The following IQSEC2 variants were observed in gnomAD, a reference collection of about 807,000 sequenced individuals.
IQSEC2 encodes IQ motif and SEC7 domain-containing protein 2.
IQSEC2 carries 6 observed loss-of-function variants against 74.6 expected under a neutral mutation model. That is an observed-to-expected ratio of 0.08 (90% CI 0.04 to 0.16). The LOEUF is 0.16. IQSEC2 is among the 10% of genes least tolerant of loss of function. The pLI is 1.00. For missense variants in IQSEC2, 734 were observed against 1,306.2 expected, an observed-to-expected ratio of 0.56 and a Z score of 6.75; for synonymous variants, 494 against 544.5, an observed-to-expected ratio of 0.91 and a Z score of 1.29.
intron 1 of IQSEC2, among the ~76,000 whole-genome samples, chrX:53,315,633 C>T (rs1556878918): frequency 1.8e-5 from 2 of 112,014 alleles, no homozygotes; most frequent in African/African-American, 3.2e-5. Context: ...CGAGAGGATT[C>T]ATGTGGAGAT....
intron 2 of IQSEC2, among the ~76,000 whole-genome samples, chrX:53,268,576 C>T (rs1602314419): frequency 9.0e-6 from 1 of 111,453 alleles, no homozygotes; most frequent in African/African-American, 3.3e-5. Flanking sequence ...GAGGCCCCTG[C>T]TTCCTCTCCC....
rs906818473 is a variant in IQSEC2, at chrX:53,321,091, C to A, written c.33G>T (p.Pro11=). 8.7e-7 allele frequency: 1 copy of A among 1,152,159 alleles called. No homozygotes were observed. Among genetic ancestry groups the A allele is most frequent in the Non-Finnish European group, 1.1e-6 (1 of 870,090 alleles). 95.0% of individuals were successfully genotyped at this position (1,152,159 alleles called of 1,213,427 possible). ...CGGCCCGATTTGGGCTCTCGGATCC[C>A]GGGCCGCCCGGGGGCCCCGACCCCG... MEAGSGPPGG[P]GSESPNRAVE... The change falls in exon 1 of 15, where the codon CCG becomes CCT. Residue 11 remains proline (P), a synonymous_variant. Coordinates refer to ENST00000642864, the MANE Select transcript of IQSEC2 (RefSeq NM_001111125.3).
intron 2 of IQSEC2, among the ~76,000 whole-genome samples, chrX:53,260,895 G>T (rs2074558549): frequency 9.0e-6 from 1 of 111,309 alleles, no homozygotes; most frequent in Non-Finnish European, 1.9e-5. Context: ...CAAACCCAGG[G>T]CCCAGGCTTT....
chrX:53,313,358 G>A (rs782360593), intron 1 of IQSEC2, among the ~76,000 whole-genome samples: 14 of 111,911 alleles, frequency 1.3e-4, no homozygotes, highest in Non-Finnish European at 2.4e-4. Context: ...TTTGCCTAGA[G>A]TTACACAAAG....
chrX:53,286,078 T>A (rs868941392), intron 2 of IQSEC2, among the ~76,000 whole-genome samples: 2 of 112,162 alleles, frequency 1.8e-5, no homozygotes, highest in Middle Eastern at 4.6e-3. Flanking sequence ...ACTGAACTCA[T>A]AAAATATCAA....
At chrX:53,287,605 C>G (rs782229734) in intron 2 of IQSEC2, among the ~76,000 whole-genome samples, 47 of 113,149 alleles carry the variant, frequency 4.2e-4, no homozygotes, top group African/African-American at 1.3e-3. Flanking sequence ...CCGTAAGGCT[C>G]AGGGCAGGAG....
chrX:53,236,440 C>T lies in IQSEC2; in HGVS notation c.3333G>A (p.Gly1111=). 1 of 1,204,440 alleles carries T rather than the reference C, an allele frequency of 8.3e-7. No individual in the cohort carries two copies. Among genetic ancestry groups the T allele is most frequent in the Non-Finnish European group, 1.1e-6 (1 of 891,613 alleles). The change falls in exon 13 of 15, where the codon GGG becomes GGA. Residue 1111 remains glycine, a synonymous_variant. Coordinates refer to ENST00000642864, the MANE Select transcript of IQSEC2 (RefSeq NM_001111125.3). Reference sequence around the variant, plus strand: ...TCGTCCCATTCACTGAGTCCTTGGCCCCTCCAGGCTGTGAGGCGTTAGGCC... The same window carrying T: ...TCGTCCCATTCACTGAGTCCTTGGCTCCTCCAGGCTGTGAGGCGTTAGGCC... ...MMRPNASQPG[G]AKDSVNGTMA...
At chrX:53,249,121 C>T (rs999691483) in intron 5 of IQSEC2, among the ~76,000 whole-genome samples, 1 of 111,552 alleles carries the variant, frequency 9.0e-6, no homozygotes, top group Admixed American at 9.5e-5. Context: ...ACCCAACATC[C>T]CCCTTCACTG....
At chrX:53,238,397 T>TC in intron 11 of IQSEC2, 91 bp from the exon 12 acceptor site, 3 of 895,826 alleles carry the variant, frequency 3.3e-6, no homozygotes, top group African/African-American at 3.9e-5. Flanking sequence ...CTCTTTTTTT[T>TC]CTGAGACAAC....
At chrX:53,280,091 G>C (rs934462816) in intron 2 of IQSEC2, among the ~76,000 whole-genome samples, 1 of 108,677 alleles carries the variant, frequency 9.2e-6, no homozygotes, top group South Asian at 4.3e-4. Context: ...AGGTGACTCC[G>C]TGGGGACCTC....
intron 1 of IQSEC2, among the ~76,000 whole-genome samples, chrX:53,308,021 G>A (rs1313315407): frequency 1.2e-4 from 13 of 109,244 alleles, no homozygotes; most frequent in South Asian, 4.0e-4. Context: ...AACATTAGCC[G>A]GGCATAGTGG....
intron 4 of IQSEC2, 120 bp from the exon 5 acceptor site, chrX:53,251,294 A>G (rs782730678): frequency 1.4e-6 from 1 of 735,484 alleles, no homozygotes; most frequent in African/African-American, 2.1e-5. Context: ...TCTTCCTGGT[A>G]GGTCAGCAAG....
chrX:53,288,256 C>A (rs2075053300), intron 2 of IQSEC2, among the ~76,000 whole-genome samples: 1 of 111,532 alleles, frequency 9.0e-6, no homozygotes, highest in Non-Finnish European at 1.9e-5. Flanking sequence ...ATTATCTAAT[C>A]CAAACTCCTG....
intron 2 of IQSEC2, among the ~76,000 whole-genome samples, chrX:53,270,332 C>T (rs2074722436): frequency 9.0e-6 from 1 of 111,320 alleles, no homozygotes; most frequent in African/African-American, 3.3e-5. Context: ...TCATCTTCTA[C>T]TCCTCTCACT....
At chrX:53,242,894 C>A in intron 9 of IQSEC2, among the ~76,000 whole-genome samples, 1 of 111,330 alleles carries the variant, frequency 9.0e-6, no homozygotes, top group African/African-American at 3.3e-5. Flanking sequence ...CACCATCACG[C>A]CCGCAGCTAA....
chrX:53,301,492 G>A (rs915356979), intron 1 of IQSEC2, among the ~76,000 whole-genome samples: 7 of 112,404 alleles, frequency 6.2e-5, no homozygotes, highest in Admixed American at 2.8e-4. Flanking sequence ...TCCCTTCTAG[G>A]CTGCACTTCA....
chrX:53,306,890 A>T (rs782412274), intron 1 of IQSEC2, among the ~76,000 whole-genome samples: 19 of 111,103 alleles, frequency 1.7e-4, no homozygotes, highest in African/African-American at 6.2e-4. Flanking sequence ...AGAGGCCCAG[A>T]GAGACTCCAG....
intron 12 of IQSEC2, among the ~76,000 whole-genome samples, chrX:53,236,965 G>A (rs190408905): frequency 2.3e-3 from 262 of 111,649 alleles, no homozygotes; most frequent in African/African-American, 7.9e-3. Flanking sequence ...ACCTTGCTCC[G>A]GAGCAGAGGG....
At chrX:53,280,487 G>A (rs1308176466) in intron 2 of IQSEC2, among the ~76,000 whole-genome samples, 1 of 110,846 alleles carries the variant, frequency 9.0e-6, no homozygotes, top group African/African-American at 3.3e-5. Flanking sequence ...AGGAGGGTGA[G>A]GGCGGAGGAG....
Sources: allele counts gnomAD v4.1 joint callset (sites outside exome capture counted in the v4.1 genomes callset), GRCh38; gene constraint gnomAD v4.1.1; transcripts MANE v1.5; gene names NCBI Gene and HGNC (gene_info 2026-07-23, HGNC 2026-07-21).